Variants in EPHB2 observed in about 807,000 individuals in gnomAD.
EPHB2 encodes ephrin type-B receptor 2.
EPHB2 carries 18 observed loss-of-function variants against 96.4 expected under a neutral mutation model. The observed-to-expected ratio is 0.19, with a 90% CI of 0.13 to 0.28. EPHB2 has a LOEUF of 0.28. EPHB2 is among the 10% of genes least tolerant of loss of function. The pLI, the probability that EPHB2 is intolerant of heterozygous loss-of-function variation, is 1.00. For synonymous variants in EPHB2, 506 were observed against 534.1 expected, an observed-to-expected ratio of 0.95 and a Z score of 0.72; for missense variants, 989 against 1,355.4, an observed-to-expected ratio of 0.73 and a Z score of 4.25.
rs1639564284 is a variant in EPHB2 at position 22,896,404 on chromosome 1, G to T, written c.1701-10G>T. The T allele has an allele frequency of 1.2e-6, 2 of 1,613,984 alleles. No homozygotes were observed. Among genetic ancestry groups the T allele is most frequent in the Non-Finnish European group, 1.7e-6 (2 of 1,180,016 alleles). ...CAGGTGGCTCCAGCCCTTTGCTCTT[G>T]TTCCAGAAGACGGGGGTTTGAGCGT... On this transcript the variant is annotated splice_polypyrimidine_tract_variant and intron_variant, in intron 8 of 15. Transcript: ENST00000374630.
intron 6 of EPHB2, among the ~76,000 whole-genome samples, chr1:22,888,135 G>A (rs183384371): frequency 7.2e-5 from 11 of 152,208 alleles, no homozygotes; most frequent in South Asian, 2.1e-4. Flanking sequence ...TCCGTCTCCC[G>A]GGTTCAAGTG....
intron 1 of EPHB2, chr1:22,774,771 A>T: frequency 3.8e-6 from 1 of 262,554 alleles, no homozygotes; most frequent in Non-Finnish European, 5.9e-6. Context: ...TGCTGTGTGG[A>T]GGTTGGATGC....
At chr1:22,801,389 C>T (rs1224088380) in intron 3 of EPHB2, among the ~76,000 whole-genome samples, 3 of 152,128 alleles carry the variant, frequency 2.0e-5, no homozygotes, top group African/African-American at 7.2e-5. Flanking sequence ...TCATTTTTAT[C>T]CCAGCCACCG....
At chr1:22,833,408 A>G (rs1167560202) in intron 3 of EPHB2, among the ~76,000 whole-genome samples, 3 of 152,190 alleles carry the variant, frequency 2.0e-5, no homozygotes, top group Non-Finnish European at 4.4e-5. Flanking sequence ...GTGAGCCACC[A>G]TGCCCGGCCT....
At chr1:22,808,460 A>G (rs1644958589) in intron 3 of EPHB2, among the ~76,000 whole-genome samples, 5 of 152,200 alleles carry the variant, frequency 3.3e-5, no homozygotes, top group Admixed American at 3.3e-4. Context: ...CAGACATACC[A>G]AATTAACCAC....
chr1:22,819,816 AT>A (rs5773023), intron 3 of EPHB2, among the ~76,000 whole-genome samples: 77,977 of 148,622 alleles, frequency 0.52, 20,432 homozygotes, highest in Middle Eastern at 0.63. Flanking sequence ...CAAATTGATG[AT>A]TTTTTTTTTT....
intron 3 of EPHB2, among the ~76,000 whole-genome samples, chr1:22,820,055 T>A (rs1645132029): frequency 6.6e-6 from 1 of 152,126 alleles, no homozygotes; most frequent in African/African-American, 2.4e-5. Flanking sequence ...TCCCCAAGGT[T>A]ATCAGGTTGA....
chr1:22,867,197 A>C (rs1400343344), intron 5 of EPHB2, among the ~76,000 whole-genome samples: 1 of 152,288 alleles, frequency 6.6e-6, no homozygotes, highest in East Asian at 1.9e-4. Context: ...CTGATTGCGC[A>C]TGTAAGTCTG....
At chr1:22,902,612 A>C (rs966261078) in intron 9 of EPHB2, among the ~76,000 whole-genome samples, 2 of 152,224 alleles carry the variant, frequency 1.3e-5, no homozygotes, top group Non-Finnish European at 2.9e-5. Context: ...TTCAATAAGC[A>C]CTTTTTACTT....
intron 9 of EPHB2, among the ~76,000 whole-genome samples, chr1:22,899,790 C>T (rs1031192696): frequency 9.2e-5 from 14 of 151,964 alleles, no homozygotes; most frequent in South Asian, 2.1e-4. Context: ...TCCAGGAGTT[C>T]GAGACCAGCC....
intron 6 of EPHB2, among the ~76,000 whole-genome samples, chr1:22,887,226 GTC>G (rs1345071972): frequency 6.6e-6 from 1 of 152,108 alleles, no homozygotes; most frequent in Non-Finnish European, 1.5e-5. Flanking sequence ...CAAGAGTCAT[GTC>G]TCTCCCTGAC....
At chr1:22,801,968 C>T (rs1644850004) in intron 3 of EPHB2, among the ~76,000 whole-genome samples, 1 of 152,250 alleles carries the variant, frequency 6.6e-6, no homozygotes, top group East Asian at 1.9e-4. Context: ...TCCGAGCACG[C>T]TCAGCCAAGC....
At chr1:22,769,688 G>T (rs992389608) in intron 1 of EPHB2, among the ~76,000 whole-genome samples, 1 of 152,190 alleles carries the variant, frequency 6.6e-6, no homozygotes, top group Admixed American at 6.5e-5. Flanking sequence ...GATTACAGGC[G>T]TGAGCCACCA....
At chr1:22,887,091 A>G (rs938688549) in intron 6 of EPHB2, among the ~76,000 whole-genome samples, 3 of 152,128 alleles carry the variant, frequency 2.0e-5, no homozygotes, top group African/African-American at 7.2e-5. Flanking sequence ...AACAGCAGCC[A>G]GGAGAGTGTG....
chr1:22,884,761 C>T (rs1206946222), intron 6 of EPHB2, among the ~76,000 whole-genome samples: 1 of 152,110 alleles, frequency 6.6e-6, no homozygotes, highest in Non-Finnish European at 1.5e-5. Flanking sequence ...CCTTCCAGAT[C>T]TCAGCCTAAC....
intron 9 of EPHB2, among the ~76,000 whole-genome samples, chr1:22,904,602 C>T (rs542280956): frequency 1.7e-4 from 26 of 152,238 alleles, no homozygotes; most frequent in Non-Finnish European, 2.8e-4. Context: ...GTTAGAGCAG[C>T]GGTTGACAAA....
chr1:22,813,442 A>T (rs1294474544), intron 3 of EPHB2, among the ~76,000 whole-genome samples: 1 of 151,962 alleles, frequency 6.6e-6, no homozygotes, highest in East Asian at 1.9e-4. Flanking sequence ...TGGGGAAAAA[A>T]GCTCAAGGCC....
chr1:22,841,979 C>CG (rs1363978038), intron 3 of EPHB2, among the ~76,000 whole-genome samples: 15 of 152,240 alleles, frequency 9.9e-5, no homozygotes, highest in South Asian at 2.1e-4. Context: ...TGCCAGGAGC[C>CG]GGGCAAGATC....
At chr1:22,746,484 G>A (rs762535385) in intron 1 of EPHB2, among the ~76,000 whole-genome samples, 3 of 152,342 alleles carry the variant, frequency 2.0e-5, no homozygotes, top group Non-Finnish European at 4.4e-5. Context: ...GTGAGGCCAG[G>A]GAGGCCTGTG....
Sources: allele counts gnomAD v4.1 joint callset (sites outside exome capture counted in the v4.1 genomes callset), GRCh38; gene constraint gnomAD v4.1.1; transcripts MANE v1.5; gene names NCBI Gene and HGNC (gene_info 2026-07-23, HGNC 2026-07-21).